The following KHDC1 variants were observed in gnomAD, a reference collection of about 807,000 sequenced individuals.
KHDC1 encodes the protein KH domain containing 1.
A neutral mutation model predicts 24.7 loss-of-function variants in KHDC1; 21 were observed. That is an observed-to-expected ratio of 0.85 (90% CI 0.60 to 1.23). The LOEUF is 1.23. Among genes scored for constraint, KHDC1 ranks in the 50% most tolerant of loss-of-function variants. KHDC1 has a pLI of 0.00. For missense variants in KHDC1, 274 were observed against 298.5 expected, an observed-to-expected ratio of 0.92 and a Z score of 0.61; for synonymous variants, 98 against 111.7, an observed-to-expected ratio of 0.88 and a Z score of 0.77.
At chr6:73,263,296 G>T (rs1273782835) in intron 2 of KHDC1, 100 bp from the exon 1 acceptor site, 1 of 985,370 alleles carries the variant, frequency 1.0e-6, no homozygotes, top group Admixed American at 6.2e-5. Context: ...GGAGCCCACT[G>T]CCGGCGCGCA....
At chr6:73,296,776 C>T (rs971473208) in intron 1 of KHDC1, among the ~76,000 whole-genome samples, 4 of 152,090 alleles carry the variant, frequency 2.6e-5, no homozygotes, top group East Asian at 3.8e-4. Context: ...TATGCCTTTA[C>T]GAATTATTTT....
At chr6:73,303,262 T>TG (rs1014014588) in intron 1 of KHDC1, among the ~76,000 whole-genome samples, 5 of 145,958 alleles carry the variant, frequency 3.4e-5, no homozygotes, top group African/African-American at 1.0e-4. Context: ...GATTTGGGGG[T>TG]GGGGGGATTC....
Position 73,272,855 on chromosome 6 carries a change from TC to T in KHDC1, c.206+19142del, listed in dbSNP as rs1562252574. On this transcript the variant is annotated intron_variant, in intron 2 of 4. Transcript: ENST00000370384. ...GATAATTTTTTCTTTTCTTTTCTTTTCTTTTTCTTTTTTTTTTTTTGGAGAT... is the reference window on the plus strand; with the variant it reads ...GATAATTTTTTCTTTTCTTTTCTTTTTTTTTCTTTTTTTTTTTTTGGAGAT... 7.9e-3 allele frequency among the ~76,000 whole-genome samples: 1,150 copies of T among 144,898 alleles called. 20 individuals are homozygous for T. The highest frequency in any genetic ancestry group is 0.029 in the African/African-American group (1,082 of 37,596).
intron 2 of KHDC1, among the ~76,000 whole-genome samples, chr6:73,280,895 C>T (rs1446598818): frequency 6.6e-6 from 1 of 152,030 alleles, no homozygotes; most frequent in Non-Finnish European, 1.5e-5. Flanking sequence ...GATCATATAT[C>T]TTCTTCCTAA....
At chr6:73,255,896 T>A (rs1004261754) in intron 2 of KHDC1, among the ~76,000 whole-genome samples, 1 of 139,972 alleles carries the variant, frequency 7.1e-6, no homozygotes, top group Non-Finnish European at 1.5e-5. Flanking sequence ...AGTGAGAACC[T>A]GTCTCAACAA....
intron 2 of KHDC1, among the ~76,000 whole-genome samples, chr6:73,280,590 G>A (rs71573588): frequency 0.07 from 9,842 of 139,992 alleles, 342 homozygotes; most frequent in East Asian, 0.14. Flanking sequence ...GCATAATCTC[G>A]GCTCACCGCA....
At chr6:73,286,809 A>G (rs1182284823) in intron 2 of KHDC1, among the ~76,000 whole-genome samples, 1 of 151,582 alleles carries the variant, frequency 6.6e-6, no homozygotes, top group Non-Finnish European at 1.5e-5. Flanking sequence ...CTTGAACCTG[A>G]GAGGCAGAGA....
intron 1 of KHDC1, among the ~76,000 whole-genome samples, chr6:73,308,882 A>G (rs1768024413): frequency 6.6e-6 from 1 of 152,090 alleles, no homozygotes; most frequent in African/African-American, 2.4e-5. Flanking sequence ...CCCAGCCTGG[A>G]GAGCAGTGGC....
chr6:73,251,467 G>C (rs188134160), intron 2 of KHDC1, among the ~76,000 whole-genome samples: 1 of 152,112 alleles, frequency 6.6e-6, no homozygotes, highest in African/African-American at 2.4e-5. Context: ...AACCTATAGC[G>C]AACAAAAATA....
intron 2 of KHDC1, among the ~76,000 whole-genome samples, chr6:73,278,938 T>G (rs1767353795): frequency 1.3e-5 from 2 of 152,230 alleles, no homozygotes; most frequent in Non-Finnish European, 2.9e-5. Context: ...ACTTTTCATG[T>G]GAATACATTC....
exon 1 of KHDC1, chr6:73,309,817 C>T: frequency 2.2e-6 from 3 of 1,381,468 alleles, no homozygotes; most frequent in Non-Finnish European, 2.9e-6. Context: ...CAGACACCGA[C>T]GGAGAAGCGA....
At chr6:73,298,916 A>G (rs1459088766) in intron 1 of KHDC1, 2 of 152,214 alleles carry the variant, frequency 1.3e-5, no homozygotes, top group East Asian at 3.8e-4. Flanking sequence ...CTAAGTAAAC[A>G]TATACTATTA....
chr6:73,261,011 A>G (rs547810876), intron 2 of KHDC1, among the ~76,000 whole-genome samples: 7 of 152,244 alleles, frequency 4.6e-5, no homozygotes, highest in African/African-American at 1.2e-4. Context: ...TTTTTGTTCT[A>G]TGAAACATTT....
intron 1 of KHDC1, among the ~76,000 whole-genome samples, chr6:73,302,909 TCTA>T (rs1464020827): frequency 6.6e-6 from 1 of 152,136 alleles, no homozygotes; most frequent in Admixed American, 6.6e-5. Context: ...AAACCCGGTC[TCTA>T]CTAAAAATAC....
intron 2 of KHDC1, among the ~76,000 whole-genome samples, chr6:73,260,810 T>G: frequency 6.6e-6 from 1 of 152,216 alleles, no homozygotes; most frequent in East Asian, 1.9e-4. Flanking sequence ...GCATCACTAG[T>G]GCAGTTAAGC....
chr6:73,262,142 A>T (rs933859104), intron 2 of KHDC1, among the ~76,000 whole-genome samples: 2 of 151,384 alleles, frequency 1.3e-5, no homozygotes, highest in Non-Finnish European at 2.9e-5. Context: ...TTTGCCACTT[A>T]CGGTGTAACC....
intron 1 of KHDC1, chr6:73,292,100 G>A: frequency 1.2e-6 from 2 of 1,605,832 alleles, no homozygotes; most frequent in Non-Finnish European, 8.5e-7. Context: ...CCTTCTTAGT[G>A]ATGCCAACAT....
chr6:73,241,726 G>A, exon 5 of KHDC1: 1 of 1,614,164 alleles, frequency 6.2e-7, no homozygotes, highest in South Asian at 1.1e-5. Flanking sequence ...AGCATCTCCA[G>A]GCCTGCAAAA....
chr6:73,278,283 C>T (rs567682500), intron 2 of KHDC1, among the ~76,000 whole-genome samples: 1 of 152,004 alleles, frequency 6.6e-6, no homozygotes, highest in East Asian at 1.9e-4. Flanking sequence ...TCCCAAAATG[C>T]TGGGATTACA....
Sources: allele counts gnomAD v4.1 joint callset (sites outside exome capture counted in the v4.1 genomes callset), GRCh38; gene constraint gnomAD v4.1.1; transcripts MANE v1.5; gene names NCBI Gene and HGNC (gene_info 2026-07-23, HGNC 2026-07-21).